Variants in CALCR observed in about 807,000 individuals in gnomAD.
CALCR encodes the protein calcitonin receptor.
In CALCR, 47 loss-of-function variants were observed where a neutral mutation model predicts 59.5. The ratio of observed to expected loss-of-function variants is 0.79; its 90% CI spans 0.63 to 1.01. CALCR has a LOEUF of 1.01. CALCR is among the 50% of genes least tolerant of loss of function. CALCR has a pLI of 0.00. For missense variants in CALCR, 566 were observed against 597.1 expected (o/e 0.95, Z 0.54); for synonymous variants, 213 against 211.3 (o/e 1.01, Z -0.07).
intron 2 of CALCR, among the ~76,000 whole-genome samples, chr7:93,535,200 C>T (rs749246419): frequency 1.3e-5 from 2 of 151,556 alleles, no homozygotes; most frequent in African/African-American, 4.8e-5. Context: ...TACGATTTTT[C>T]GTTTTATACT....
At position 93,426,036 on chromosome 7, in the gene CALCR, A is replaced by G. The variant is rs1799518730; in HGVS notation, c.*320T>C. The stretch of plus-strand genomic sequence containing the variant: ...AAGGTATAAATGGCTCAGTATTGAC[A>G]AGGAGCACCCTGTATCTGAACTAGG... On this transcript the variant is annotated 3_prime_UTR_variant, in exon 14 of 14. Transcript: ENST00000426151. 4.6e-6 allele frequency: 1 copy of G among 216,552 alleles called. No homozygotes were observed. The highest frequency in any genetic ancestry group is 1.6e-4 in the South Asian group (1 of 6,306). The allele number at this position is 216,552 out of a possible 1,614,324, so 13.4% of individuals were successfully genotyped here. A position where few individuals can be genotyped will look rare whatever the true frequency, so the allele number is the denominator to read the frequency against.
At chr7:93,518,059 A>C (rs1801683867) in intron 2 of CALCR, among the ~76,000 whole-genome samples, 3 of 151,940 alleles carry the variant, frequency 2.0e-5, no homozygotes, top group South Asian at 2.1e-4. Context: ...ATGTAAAAGC[A>C]TGAAACATTG....
intron 2 of CALCR, among the ~76,000 whole-genome samples, chr7:93,537,302 A>G (rs1055288368): frequency 6.6e-6 from 1 of 151,850 alleles, no homozygotes. Context: ...TTAGTACTTC[A>G]GATGAGAAGA....
Position 93,429,469 on chromosome 7 carries a change from G to T in CALCR, c.1192-2880C>A, listed in dbSNP as rs544040681. ...CACTATTCACTTTACTTTTTTTCCT[G>T]ATTATATCTATTTATGTATTGCCAA... is the stretch of plus-strand genomic sequence containing the variant. On this transcript the variant is annotated intron_variant, in intron 13 of 13. Transcript: ENST00000426151. 1.2e-4 allele frequency among the ~76,000 whole-genome samples: 18 copies of T among 152,102 alleles called. No individual in the cohort carries two copies. In the South Asian group the frequency reaches 3.1e-3, roughly 26 times the overall value.
chr7:93,438,912 A>C (rs1399003848), intron 9 of CALCR, among the ~76,000 whole-genome samples: 1 of 152,158 alleles, frequency 6.6e-6, no homozygotes, highest in Non-Finnish European at 1.5e-5. Flanking sequence ...AAAAAAAAAA[A>C]AACTTTTTAA....
Position 93,425,382 on chromosome 7 carries a change from G to A in CALCR, c.*974C>T, listed in dbSNP as rs1345058715. ...AAAGCAGTTAATGGACTTATGTGGA[G>A]TCTTTTAATTACCAATATTCAACAA... is the stretch of plus-strand genomic sequence containing the variant. On this transcript the variant is annotated 3_prime_UTR_variant, in exon 14 of 14. Transcript: ENST00000426151. The A allele has an allele frequency of 6.6e-6, 1 of 152,578 alleles. No homozygotes were observed. Among genetic ancestry groups the A allele is most frequent in the Non-Finnish European group, 1.5e-5 (1 of 68,016 alleles). 9.5% of individuals were successfully genotyped at this position (152,578 alleles called of 1,614,324 possible). A position where few individuals can be genotyped will look rare whatever the true frequency, so the allele number is the denominator to read the frequency against.
chr7:93,536,812 G>T (rs1255109527), intron 2 of CALCR, among the ~76,000 whole-genome samples: 2 of 151,614 alleles, frequency 1.3e-5, no homozygotes, highest in Non-Finnish European at 3.0e-5. Flanking sequence ...GAAATTAGTG[G>T]TGGAACTTAA....
chr7:93,438,386 C>G, intron 9 of CALCR, 116 bp from the exon 10 acceptor site: 1 of 753,330 alleles, frequency 1.3e-6, no homozygotes. Flanking sequence ...GTGCATCTGT[C>G]AAGATGTTCC....
chr7:93,458,863 C>T lies in CALCR; in HGVS notation c.648+1958G>A, dbSNP rs774697252. Among the ~76,000 whole-genome samples, 89 of 152,190 alleles carry T rather than the reference C, an allele frequency of 5.8e-4. 1 individual carries two copies. Among genetic ancestry groups the T allele is most frequent in the East Asian group, 3.9e-4 (2 of 5,168 alleles). ...ATATGGATTCACCAATTTTGCAGAA[C>T]AAAAATTATCAAATATTCCTAATTT... is the stretch of plus-strand genomic sequence containing the variant. On this transcript the variant is annotated intron_variant, in intron 8 of 13. Coordinates refer to ENST00000426151, the MANE Select transcript of CALCR (RefSeq NM_001742.4).
At chr7:93,446,246 A>G (rs991539140) in intron 8 of CALCR, among the ~76,000 whole-genome samples, 1 of 152,014 alleles carries the variant, frequency 6.6e-6, no homozygotes, top group Non-Finnish European at 1.5e-5. Flanking sequence ...TCACCAGTCT[A>G]TTCATTTTTA....
chr7:93,525,216 C>T (rs1339360592), intron 2 of CALCR, among the ~76,000 whole-genome samples: 1 of 152,116 alleles, frequency 6.6e-6, no homozygotes, highest in Non-Finnish European at 1.5e-5. Context: ...TGGTTCTATA[C>T]ATTCCTATCT....
At position 93,460,554 on chromosome 7, in the gene CALCR, T is replaced by TA. The variant is rs71537257; in HGVS notation, c.648+266dup. Among the ~76,000 whole-genome samples the TA allele has an allele frequency of 6.9e-3, 545 of 79,274 alleles. 10 individuals carry two copies. The highest frequency in any genetic ancestry group is 0.022 in the African/African-American group (280 of 12,470). The allele number at this position is 79,274 out of a possible 152,430, so 52.0% of individuals were successfully genotyped here. On this transcript the variant is annotated intron_variant, in intron 8 of 13. Coordinates refer to ENST00000426151, the MANE Select transcript of CALCR (RefSeq NM_001742.4). Reference sequence around the variant, plus strand: ...CTGGGCAACAGAGTGAGACTCTATCTAAAAAAAAAAAAAAAAAAATATATA... The same window carrying TA: ...CTGGGCAACAGAGTGAGACTCTATCTAAAAAAAAAAAAAAAAAAAATATATA...
At chr7:93,432,389 A>T (rs1329935524) in intron 13 of CALCR, among the ~76,000 whole-genome samples, 1 of 152,134 alleles carries the variant, frequency 6.6e-6, no homozygotes, top group Non-Finnish European at 1.5e-5. Flanking sequence ...TCAATATTGT[A>T]AGGTGATGCA....
chr7:93,451,384 G>C (rs1183106309), intron 8 of CALCR, among the ~76,000 whole-genome samples: 1 of 151,934 alleles, frequency 6.6e-6, no homozygotes, highest in Non-Finnish European at 1.5e-5. Context: ...GTATGCAATT[G>C]AATACTTTTT....
At chr7:93,530,035 C>G (rs1401793149) in intron 2 of CALCR, among the ~76,000 whole-genome samples, 1 of 151,922 alleles carries the variant, frequency 6.6e-6, no homozygotes, top group Non-Finnish European at 1.5e-5. Flanking sequence ...ATTGGTTAAC[C>G]AAATTGAACA....
chr7:93,501,527 G>A (rs566959356), intron 2 of CALCR, among the ~76,000 whole-genome samples: 1 of 152,140 alleles, frequency 6.6e-6, no homozygotes, highest in African/African-American at 2.4e-5. Context: ...TTTTGTTTGG[G>A]GATGCAGATG....
chr7:93,554,792 T>TATATA (rs60870213), intron 2 of CALCR, among the ~76,000 whole-genome samples: 19 of 135,768 alleles, frequency 1.4e-4, no homozygotes, highest in South Asian at 7.0e-4. Context: ...TATATATATA[T>TATATA]TATACGTACA....
At chr7:93,531,542 A>G (rs1563009706) in intron 2 of CALCR, among the ~76,000 whole-genome samples, 1 of 152,130 alleles carries the variant, frequency 6.6e-6, no homozygotes, top group Non-Finnish European at 1.5e-5. Flanking sequence ...TAGAGAGCTA[A>G]CATGGAATAT....
chr7:93,440,333 C>T (rs1409339487), intron 9 of CALCR, among the ~76,000 whole-genome samples: 6 of 152,072 alleles, frequency 3.9e-5, no homozygotes, highest in Non-Finnish European at 5.9e-5. Flanking sequence ...CCCCATTAAA[C>T]TTTATAAAGT....
Sources: allele counts gnomAD v4.1 joint callset (sites outside exome capture counted in the v4.1 genomes callset), GRCh38; gene constraint gnomAD v4.1.1; transcripts MANE v1.5; gene names NCBI Gene and HGNC (gene_info 2026-07-23, HGNC 2026-07-21).